FAM184B: variants seen among roughly 807,000 people sequenced by gnomAD.
FAM184B encodes protein FAM184B.
In FAM184B, 111 loss-of-function variants were observed where a neutral mutation model predicts 135.9. The ratio of observed to expected loss-of-function variants is 0.82; its 90% CI spans 0.70 to 0.96. The LOEUF is 0.96. FAM184B is among the 40% of genes least tolerant of loss of function. FAM184B has a pLI of 0.00. For missense variants in FAM184B, 1,375 were observed against 1,323.9 expected, an observed-to-expected ratio of 1.04 and a Z score of -0.60; for synonymous variants, 552 against 524.8, an observed-to-expected ratio of 1.05 and a Z score of -0.71.
At chr4:17,716,682 C>T (rs1366238937) in intron 1 of FAM184B, among the ~76,000 whole-genome samples, 6 of 152,084 alleles carry the variant, frequency 3.9e-5, no homozygotes, top group Non-Finnish European at 7.4e-5. Flanking sequence ...ATCTTAACAT[C>T]TGTCCTTTTA....
At chr4:17,639,831 CTT>C (rs11445596) in intron 13 of FAM184B, among the ~76,000 whole-genome samples, 6 of 143,930 alleles carry the variant, frequency 4.2e-5, no homozygotes, top group Non-Finnish European at 1.5e-5. Flanking sequence ...CCTCCCTGAA[CTT>C]TTTTTTTTTT....
intron 1 of FAM184B, among the ~76,000 whole-genome samples, chr4:17,779,616 A>G (rs1299739106): frequency 6.6e-6 from 1 of 152,192 alleles, no homozygotes; most frequent in African/African-American, 2.4e-5. Flanking sequence ...ACTAATTGTT[A>G]TGCCATCAAC....
intron 5 of FAM184B, among the ~76,000 whole-genome samples, chr4:17,703,752 G>A (rs1717043595): frequency 6.6e-6 from 1 of 152,038 alleles, no homozygotes; most frequent in South Asian, 2.1e-4. Flanking sequence ...CCAACATGGT[G>A]AAACCCTGTC....
intron 1 of FAM184B, among the ~76,000 whole-genome samples, chr4:17,746,683 G>A (rs1718173021): frequency 6.6e-6 from 1 of 151,100 alleles, no homozygotes; most frequent in South Asian, 2.1e-4. Context: ...AGTGAGCTGA[G>A]ATCGTGCCAC....
chr4:17,687,861 G>T lies in FAM184B; in HGVS notation c.1596+563C>A, dbSNP rs76101768. ...ACCTCTGGCCTCCAGAACCGTGAGAGAGTACATTTCCATGGCTGAAGCCAC... is the reference window on the plus strand; with the variant it reads ...ACCTCTGGCCTCCAGAACCGTGAGATAGTACATTTCCATGGCTGAAGCCAC... On this transcript the variant is annotated intron_variant, in intron 7 of 17. Coordinates refer to ENST00000265018, the MANE Select transcript of FAM184B (RefSeq NM_015688.2). 2.1e-3 allele frequency among the ~76,000 whole-genome samples: 325 copies of T among 152,302 alleles called. 4 individuals are homozygous for T. The East Asian group carries it at 0.031, about 14-fold the overall frequency.
chr4:17,755,398 G>A (rs1272935763), intron 1 of FAM184B, among the ~76,000 whole-genome samples: 1 of 152,136 alleles, frequency 6.6e-6, no homozygotes, highest in Non-Finnish European at 1.5e-5. Context: ...TTATTAAAAA[G>A]TCAGAAACAA....
At chr4:17,703,313 T>A (rs1344840186) in intron 5 of FAM184B, among the ~76,000 whole-genome samples, 1 of 151,550 alleles carries the variant, frequency 6.6e-6, no homozygotes, top group Admixed American at 6.6e-5. Flanking sequence ...CTGGGCAACA[T>A]GGTGAGATCC....
At chr4:17,662,042 T>C (rs1715932187) in intron 8 of FAM184B, among the ~76,000 whole-genome samples, 1 of 152,222 alleles carries the variant, frequency 6.6e-6, no homozygotes, top group Non-Finnish European at 1.5e-5. Context: ...TTGATTTCCA[T>C]CACCATAGAT....
intron 1 of FAM184B, among the ~76,000 whole-genome samples, chr4:17,724,388 A>G (rs1432267376): frequency 1.3e-5 from 2 of 152,200 alleles, no homozygotes; most frequent in African/African-American, 4.8e-5. Flanking sequence ...CAAGTACAGA[A>G]GCCTGGGACA....
At chr4:17,653,490 T>C (rs1467225715) in intron 10 of FAM184B, among the ~76,000 whole-genome samples, 1 of 152,168 alleles carries the variant, frequency 6.6e-6, no homozygotes, top group Non-Finnish European at 1.5e-5. Context: ...TGTTTGGTCC[T>C]GAGAACTGTC....
intron 1 of FAM184B, among the ~76,000 whole-genome samples, chr4:17,755,605 A>G (rs989790962): frequency 3.9e-5 from 6 of 152,262 alleles, no homozygotes; most frequent in Non-Finnish European, 7.3e-5. Flanking sequence ...AGATATGTAC[A>G]TGCATATGTT....
rs751293270 is a variant in FAM184B at position 17,705,084 on chromosome 4, T to G, written c.1293A>C (p.Arg431=). ...TGTGCTTCTTTACCAAGTCTTCTAG[T>G]CGCTTCACTAGCTGGTCTTTGAGAT... ...KKHLKDQLVK[R]LEDLVKKHTV... Residue 431 remains arginine, a synonymous_variant, in exon 5 of 18, where the codon CGA becomes CGC. Transcript: ENST00000265018. The G allele has an allele frequency of 9.0e-5, 139 of 1,551,668 alleles. No individual in the cohort carries two copies. Among genetic ancestry groups the G allele is most frequent in the Non-Finnish European group, 1.2e-4 (135 of 1,147,014 alleles).
intron 6 of FAM184B, 128 bp from the exon 7 acceptor site, chr4:17,688,659 T>TAC: frequency 2.8e-6 from 1 of 363,594 alleles, no homozygotes; most frequent in Non-Finnish European, 5.1e-6. Flanking sequence ...AGACAAATTC[T>TAC]ACACACACTT....
At chr4:17,662,997 G>A (rs1715955217) in intron 8 of FAM184B, among the ~76,000 whole-genome samples, 1 of 152,182 alleles carries the variant, frequency 6.6e-6, no homozygotes, top group African/African-American at 2.4e-5. Flanking sequence ...GTACAGTGGT[G>A]TGACCACGGC....
At chr4:17,688,210 T>C (rs1716635464) in intron 7 of FAM184B, among the ~76,000 whole-genome samples, 1 of 152,124 alleles carries the variant, frequency 6.6e-6, no homozygotes, top group East Asian at 1.9e-4. Flanking sequence ...TTATTCTCTT[T>C]CAAACCATGC....
At chr4:17,730,561 G>C (rs940503551) in intron 1 of FAM184B, among the ~76,000 whole-genome samples, 1 of 152,186 alleles carries the variant, frequency 6.6e-6, no homozygotes, top group South Asian at 2.1e-4. Context: ...ACTAACAGCA[G>C]ATCTCTTCGC....
At chr4:17,702,797 G>C (rs994266965) in intron 5 of FAM184B, among the ~76,000 whole-genome samples, 3 of 152,210 alleles carry the variant, frequency 2.0e-5, no homozygotes, top group African/African-American at 7.2e-5. Context: ...CAGGTTACCA[G>C]GGCAACCTGT....
chr4:17,695,341 AT>A (rs78328424), intron 5 of FAM184B, among the ~76,000 whole-genome samples: 1 of 151,790 alleles, frequency 6.6e-6, no homozygotes, highest in Non-Finnish European at 1.5e-5. Flanking sequence ...TTAAAAAAAA[AT>A]TTTTTTAGAG....
chr4:17,750,386 G>A (rs930515671), intron 1 of FAM184B, among the ~76,000 whole-genome samples: 18 of 152,140 alleles, frequency 1.2e-4, no homozygotes, highest in African/African-American at 3.9e-4. Context: ...TCACAGATAC[G>A]CAAAAAATGA....
Sources: gnomAD v4.1 joint callset for allele counts (sites outside exome capture counted in the v4.1 genomes callset) on GRCh38, gnomAD v4.1.1 for gene constraint, MANE v1.5 for transcripts, NCBI Gene and HGNC (gene_info 2026-07-23, HGNC 2026-07-21) for gene names.